The following EXOC4 variants were observed in gnomAD, a reference collection of about 807,000 sequenced individuals.
EXOC4 encodes the protein exocyst complex component 4.
In EXOC4, 71 loss-of-function variants were observed where a neutral mutation model predicts 107.2. The ratio of observed to expected loss-of-function variants is 0.66; its 90% CI spans 0.55 to 0.81. The LOEUF (loss-of-function observed/expected upper bound fraction) is 0.81. Ranked by LOEUF, EXOC4 falls within the 30% of genes least tolerant of loss-of-function variation. EXOC4 has a pLI of 0.00. For synonymous variants in EXOC4, 456 were observed against 441.2 expected, an observed-to-expected ratio of 1.03 and a Z score of -0.42; for missense variants, 1,108 against 1,189.6, an observed-to-expected ratio of 0.93 and a Z score of 1.01.
chr7:133,307,619 T>C (rs1467734583), intron 4 of EXOC4, among the ~76,000 whole-genome samples: 1 of 152,244 alleles, frequency 6.6e-6, no homozygotes, highest in East Asian at 1.9e-4. Context: ...AAACACGATG[T>C]AGTAGATTAT....
intron 10 of EXOC4, among the ~76,000 whole-genome samples, chr7:133,744,070 A>C (rs532730738): frequency 1.3e-5 from 2 of 152,218 alleles, no homozygotes; most frequent in Non-Finnish European, 2.9e-5. Context: ...TTATGTACCA[A>C]CATCATTTCA....
At position 133,903,647 on chromosome 7, in the gene EXOC4, G is replaced by T. The variant is rs114180190; in HGVS notation, c.1871+7912G>T. Reference sequence around the variant, plus strand: ...AATTTAGAGTGTCTCTTAGCCATGTGGGGGAGGGAGTTGGACATATGCATC... The same window carrying T: ...AATTTAGAGTGTCTCTTAGCCATGTTGGGGAGGGAGTTGGACATATGCATC... On this transcript the variant is annotated intron_variant, in intron 12 of 17. Coordinates refer to ENST00000253861, the MANE Select transcript of EXOC4 (RefSeq NM_021807.4). Among the ~76,000 whole-genome samples, 5 of 152,264 alleles carry T rather than the reference G, an allele frequency of 3.3e-5. No individual in the cohort carries two copies. The South Asian group carries it at 6.2e-4, about 19-fold the overall frequency.
At chr7:133,954,158 G>T (rs1800759839) in intron 14 of EXOC4, among the ~76,000 whole-genome samples, 1 of 152,158 alleles carries the variant, frequency 6.6e-6, no homozygotes, top group Non-Finnish European at 1.5e-5. Flanking sequence ...GACACTATAA[G>T]CAAAAATGAA....
At chr7:133,294,489 TGAGATTGTA>T (rs1300176639) in intron 3 of EXOC4, among the ~76,000 whole-genome samples, 1 of 152,190 alleles carries the variant, frequency 6.6e-6, no homozygotes, top group Non-Finnish European at 1.5e-5. Flanking sequence ...TAAGCCTTCC[TGAGATTGTA>T]GAGATTTTGA....
chr7:133,946,823 C>G (rs758412860), intron 14 of EXOC4, among the ~76,000 whole-genome samples: 1 of 152,214 alleles, frequency 6.6e-6, no homozygotes, highest in African/African-American at 2.4e-5. Flanking sequence ...TTTGAAATTG[C>G]TGATAACACA....
intron 9 of EXOC4, among the ~76,000 whole-genome samples, chr7:133,501,463 C>T (rs551614423): frequency 2.0e-5 from 3 of 152,228 alleles, no homozygotes; most frequent in Non-Finnish European, 2.9e-5. Flanking sequence ...ATGACAAAAA[C>T]GAATCTTGAC....
chr7:133,475,417 GTT>G lies in EXOC4; in HGVS notation c.1274_1275del (p.Phe425CysfsTer41). The part of the protein sequence containing the change: ...QLSYASTGRE[F>X]AAFFAKKKPQ... ...TAAGCTATGCCAGCACTGGACGAGAGTTTGCAGCCTTTTTTGCCAAGAAGAAA... is the reference window on the plus strand; with the variant it reads ...TAAGCTATGCCAGCACTGGACGAGAGTGCAGCCTTTTTTGCCAAGAAGAAA... On this transcript the variant is annotated frameshift_variant, in exon 8 of 18. Coordinates refer to ENST00000253861, the MANE Select transcript of EXOC4 (RefSeq NM_021807.4). LOFTEE classifies it high-confidence loss of function. 1 of 1,614,092 alleles carries G rather than the reference GTT, an allele frequency of 6.2e-7. No homozygotes were observed. Among genetic ancestry groups the G allele is most frequent in the Non-Finnish European group, 8.5e-7 (1 of 1,179,980 alleles).
chr7:133,696,255 A>G (rs1478703139), intron 10 of EXOC4, among the ~76,000 whole-genome samples: 1 of 152,196 alleles, frequency 6.6e-6, no homozygotes, highest in East Asian at 1.9e-4. Flanking sequence ...TTGTCAATGC[A>G]GAGATAGGCT....
chr7:134,037,801 T>C (rs567415701), intron 17 of EXOC4, among the ~76,000 whole-genome samples: 5 of 152,206 alleles, frequency 3.3e-5, no homozygotes, highest in African/African-American at 4.8e-5. Flanking sequence ...AGACTTCCTA[T>C]GAGTTTTTAC....
At chr7:133,312,023 G>A (rs1045836403) in intron 4 of EXOC4, among the ~76,000 whole-genome samples, 3 of 152,104 alleles carry the variant, frequency 2.0e-5, no homozygotes, top group Admixed American at 6.6e-5. Flanking sequence ...AAATAAATTT[G>A]CATATTCTTT....
chr7:133,256,821 T>G (rs10260780), intron 1 of EXOC4, among the ~76,000 whole-genome samples: 5,506 of 152,290 alleles, frequency 0.036, 346 homozygotes, highest in African/African-American at 0.13. Context: ...GGACAGAGTA[T>G]GTGTAGGCAT....
chr7:133,268,222 G>T lies in EXOC4; in HGVS notation c.87-6760G>T, dbSNP rs905375601. On this transcript the variant is annotated intron_variant, in intron 1 of 17. Coordinates refer to ENST00000253861, the MANE Select transcript of EXOC4 (RefSeq NM_021807.4). ...CCAAAGGTCAAGCAACTTGAAAGTTGCAGAGCTCCGTTTGAATCTGGGTGT... is the reference window on the plus strand; with the variant it reads ...CCAAAGGTCAAGCAACTTGAAAGTTTCAGAGCTCCGTTTGAATCTGGGTGT... 3.9e-5 allele frequency among the ~76,000 whole-genome samples: 6 copies of T among 152,204 alleles called. 1 individual carries two copies. The highest frequency in any genetic ancestry group is 4.1e-4 in the South Asian group (2 of 4,834).
intron 10 of EXOC4, among the ~76,000 whole-genome samples, chr7:133,700,479 A>G (rs1041935640): frequency 3.3e-5 from 5 of 152,278 alleles, no homozygotes; most frequent in South Asian, 2.1e-4. Flanking sequence ...GATATGCTCT[A>G]TAAGTTTTGA....
At position 134,004,903 on chromosome 7, in the gene EXOC4, CT is replaced by C; in HGVS notation, c.2349-4del. 1.2e-6 allele frequency: 2 copies of C among 1,608,632 alleles called. No homozygotes were observed. The highest frequency in any genetic ancestry group is 1.7e-6 in the Non-Finnish European group (2 of 1,176,772). ...TATTAACTGCTCTCCCTATCTCTCT[CT>C]TTTTCAGGGTTCACTGTTTCCACTA... On this transcript the variant is annotated splice_polypyrimidine_tract_variant and splice_region_variant and intron_variant, in intron 15 of 17. Transcript: ENST00000253861.
intron 3 of EXOC4, among the ~76,000 whole-genome samples, chr7:133,291,264 A>T (rs1036912089): frequency 2.6e-5 from 4 of 151,830 alleles, no homozygotes; most frequent in Admixed American, 6.6e-5. Flanking sequence ...TGTCTGTTAG[A>T]TATCTTCTCC....
chr7:133,661,393 A>G (rs1261172936), intron 10 of EXOC4, among the ~76,000 whole-genome samples: 3 of 152,128 alleles, frequency 2.0e-5, no homozygotes, highest in African/African-American at 4.8e-5. Context: ...AACCTGAGCT[A>G]TAGTTGTATT....
chr7:133,302,285 T>C (rs942203017), intron 3 of EXOC4, among the ~76,000 whole-genome samples: 1 of 152,214 alleles, frequency 6.6e-6, no homozygotes. Context: ...GAAATATTTA[T>C]TTTCAATTCT....
intron 5 of EXOC4, among the ~76,000 whole-genome samples, chr7:133,336,681 T>TTTTA (rs1280936064): frequency 2.1e-5 from 3 of 142,996 alleles, no homozygotes; most frequent in African/African-American, 7.9e-5. Context: ...TTTGTTTCAT[T>TTTTA]TTTATTTTAT....
At chr7:133,285,289 T>A (rs1364323205) in intron 2 of EXOC4, among the ~76,000 whole-genome samples, 1 of 152,228 alleles carries the variant, frequency 6.6e-6, no homozygotes, top group Non-Finnish European at 1.5e-5. Flanking sequence ...TGTATTGTAT[T>A]TCCTGGATCC....
Sources: gnomAD v4.1 joint callset for allele counts (sites outside exome capture counted in the v4.1 genomes callset) on GRCh38, gnomAD v4.1.1 for gene constraint, MANE v1.5 for transcripts, NCBI Gene and HGNC (gene_info 2026-07-23, HGNC 2026-07-21) for gene names.